Variants in NR3C2 observed in about 807,000 individuals in gnomAD.
NR3C2 encodes nuclear receptor subfamily 3 group C member 2, also known as mineralocorticoid receptor.
NR3C2 carries 15 observed loss-of-function variants against 86.4 expected under a neutral mutation model. That is an observed-to-expected ratio of 0.17 (90% CI 0.12 to 0.27). The LOEUF is 0.27. Ranked by LOEUF, NR3C2 falls within the 10% of genes least tolerant of loss-of-function variation. The pLI, the probability that NR3C2 is intolerant of heterozygous loss-of-function variation, is 1.00. For missense variants in NR3C2, 960 were observed against 1,195.6 expected, an observed-to-expected ratio of 0.80 and a Z score of 2.91; for synonymous variants, 458 against 450.5, an observed-to-expected ratio of 1.02 and a Z score of -0.21.
chr4:148,250,144 A>C (rs1739507264), intron 3 of NR3C2, among the ~76,000 whole-genome samples: 1 of 152,172 alleles, frequency 6.6e-6, no homozygotes, highest in Admixed American at 6.5e-5. Context: ...TAGAAAACTC[A>C]TTATCAGCTT....
At chr4:148,199,634 G>C (rs995912881) in intron 3 of NR3C2, among the ~76,000 whole-genome samples, 4 of 152,160 alleles carry the variant, frequency 2.6e-5, no homozygotes, top group African/African-American at 9.7e-5. Context: ...GATATTTACA[G>C]ACAGGCAGGT....
In NR3C2 at chr4:148,169,883, G is replaced by T. The variant is rs374413721; in HGVS notation, c.2015-14982C>A. ...TCTTCATTTTTAACAAACTTCCCAT[G>T]TGATTTTTCCTGCACTTTAGAATTG... On this transcript the variant is annotated intron_variant, in intron 4 of 8. Transcript: ENST00000358102. Among the ~76,000 whole-genome samples the T allele has an allele frequency of 1.1e-4, 16 of 152,316 alleles. No homozygotes were observed. In the South Asian group the frequency reaches 2.1e-3, roughly 20 times the overall value.
intron 6 of NR3C2, among the ~76,000 whole-genome samples, chr4:148,134,940 G>A (rs1733230080): frequency 6.6e-6 from 1 of 151,868 alleles, no homozygotes; most frequent in Non-Finnish European, 1.5e-5. Context: ...TTACAGGCGT[G>A]AGCCACCATG....
At chr4:148,145,253 A>T (rs1733811107) in intron 6 of NR3C2, among the ~76,000 whole-genome samples, 1 of 152,190 alleles carries the variant, frequency 6.6e-6, no homozygotes, top group African/African-American at 2.4e-5. Flanking sequence ...GAACACCTTA[A>T]GTGAGCATGC....
intron 2 of NR3C2, among the ~76,000 whole-genome samples, chr4:148,303,167 G>A (rs747335481): frequency 2.6e-5 from 4 of 152,178 alleles, no homozygotes; most frequent in African/African-American, 9.7e-5. Flanking sequence ...GGACTGGAGA[G>A]AAATTACATT....
chr4:148,382,936 TC>T (rs969015198), intron 2 of NR3C2, among the ~76,000 whole-genome samples: 1 of 152,136 alleles, frequency 6.6e-6, no homozygotes, highest in African/African-American at 2.4e-5. Context: ...AGCACCTCAA[TC>T]CTTAAAAAAT....
At chr4:148,120,417 T>C in intron 6 of NR3C2, 129 bp from the exon 7 acceptor site, 1 of 1,106,174 alleles carries the variant, frequency 9.0e-7, no homozygotes, top group Non-Finnish European at 1.3e-6. Flanking sequence ...GGAGCAGATG[T>C]GTATTTTAAA....
At chr4:148,138,198 A>G (rs1362920700) in intron 6 of NR3C2, among the ~76,000 whole-genome samples, 2 of 152,198 alleles carry the variant, frequency 1.3e-5, no homozygotes, top group Non-Finnish European at 2.9e-5. Flanking sequence ...CATGAAGCTC[A>G]TTAACGACAA....
chr4:148,418,798 T>C (rs1749131271), intron 2 of NR3C2, among the ~76,000 whole-genome samples: 1 of 152,202 alleles, frequency 6.6e-6, no homozygotes, highest in Non-Finnish European at 1.5e-5. Flanking sequence ...AGTGTCACTA[T>C]TTTACAGAGG....
intron 2 of NR3C2, among the ~76,000 whole-genome samples, chr4:148,415,201 C>T (rs1579271527): frequency 1.3e-5 from 2 of 152,210 alleles, no homozygotes; most frequent in Admixed American, 6.5e-5. Flanking sequence ...AAAGGATTGT[C>T]GATCTAACCT....
chr4:148,081,138 G>A lies in NR3C2; in HGVS notation c.*206C>T. The A allele has an allele frequency of 1.6e-6, 1 of 626,140 alleles. No homozygotes were observed. The highest frequency in any genetic ancestry group is 2.9e-5 in the East Asian group (1 of 34,608). 38.8% of individuals were successfully genotyped at this position (626,140 alleles called of 1,614,324 possible). On this transcript the variant is annotated 3_prime_UTR_variant, in exon 9 of 9. Coordinates refer to ENST00000358102, the MANE Select transcript of NR3C2 (RefSeq NM_000901.5). ...CTAAGCGCTGGGGGATTGGAGGTGG[G>A]GAATCCTTCAGACTGCTCTGGTCTC...
chr4:148,343,165 A>T (rs72656832), intron 2 of NR3C2, among the ~76,000 whole-genome samples: 37 of 152,202 alleles, frequency 2.4e-4, no homozygotes, highest in Non-Finnish European at 4.1e-4. Context: ...CTACAAAGCA[A>T]AGATAGATAC....
chr4:148,200,139 G>C (rs1736646208), intron 3 of NR3C2, among the ~76,000 whole-genome samples: 1 of 152,232 alleles, frequency 6.6e-6, no homozygotes, highest in African/African-American at 2.4e-5. Flanking sequence ...AGAAGCACAG[G>C]CAGGATGGGT....
chr4:148,136,728 C>T (rs1326036443), intron 6 of NR3C2, among the ~76,000 whole-genome samples: 1 of 152,042 alleles, frequency 6.6e-6, no homozygotes, highest in Non-Finnish European at 1.5e-5. Flanking sequence ...CTCACTGCAA[C>T]CTCTGCCTCC....
At chr4:148,259,454 A>ATC (rs751467960) in intron 3 of NR3C2, among the ~76,000 whole-genome samples, 96,902 of 151,412 alleles carry the variant, frequency 0.64, 31,319 homozygotes, top group East Asian at 0.85. Context: ...TAATATGCAA[A>ATC]ATTTGGAAAC....
chr4:148,420,879 C>T (rs116584794), intron 2 of NR3C2, among the ~76,000 whole-genome samples: 72 of 152,298 alleles, frequency 4.7e-4, no homozygotes, highest in African/African-American at 1.7e-3. Flanking sequence ...TCCCCTTTCA[C>T]CTTCCACCAT....
At chr4:148,426,438 C>T (rs1184606713) in intron 2 of NR3C2, among the ~76,000 whole-genome samples, 1 of 152,222 alleles carries the variant, frequency 6.6e-6, no homozygotes, top group Admixed American at 6.5e-5. Flanking sequence ...TTGTATGATA[C>T]TGGAGAAGCC....
intron 4 of NR3C2, among the ~76,000 whole-genome samples, chr4:148,167,292 T>C (rs1734921593): frequency 6.6e-6 from 1 of 152,238 alleles, no homozygotes; most frequent in Non-Finnish European, 1.5e-5. Flanking sequence ...GCCAACCTTG[T>C]GCTATGATTT....
chr4:148,275,538 C>T (rs1414401527), intron 2 of NR3C2, among the ~76,000 whole-genome samples: 1 of 151,758 alleles, frequency 6.6e-6, no homozygotes, highest in Admixed American at 6.6e-5. Flanking sequence ...TCAAGTGATT[C>T]TCCTGCCTCA....
Sources: allele counts gnomAD v4.1 joint callset (sites outside exome capture counted in the v4.1 genomes callset), GRCh38; gene constraint gnomAD v4.1.1; transcripts MANE v1.5; gene names NCBI Gene and HGNC (gene_info 2026-07-23, HGNC 2026-07-21).